The following PABPC4L variants were observed in gnomAD, a reference collection of about 807,000 sequenced individuals.
PABPC4L encodes the protein polyadenylate-binding protein 4-like.
For synonymous variants in PABPC4L, 169 were observed against 164.1 expected, an observed-to-expected ratio of 1.03 and a Z score of -0.23; for missense variants, 452 against 451.4, an observed-to-expected ratio of 1.00 and a Z score of -0.01.
the PABPC4L span, among the ~76,000 whole-genome samples, chr4:134,106,350 T>C: frequency 6.6e-6 from 1 of 151,566 alleles, no homozygotes; most frequent in Non-Finnish European, 1.5e-5. Flanking sequence ...AAAATATTTG[T>C]ATAGAATTAG....
At chr4:134,093,601 T>C in the PABPC4L span, among the ~76,000 whole-genome samples, 2 of 149,864 alleles carry the variant, frequency 1.3e-5, no homozygotes, top group Non-Finnish European at 3.0e-5. Flanking sequence ...AGACCAAGTC[T>C]CACTGTGTTG....
the PABPC4L span, among the ~76,000 whole-genome samples, chr4:133,979,119 A>G: frequency 6.6e-6 from 1 of 152,214 alleles, no homozygotes; most frequent in Non-Finnish European, 1.5e-5. Context: ...AAAAATTGAT[A>G]TCGAAAAGAT....
chr4:133,955,837 T>C, the PABPC4L span, among the ~76,000 whole-genome samples: 1,493 of 152,276 alleles, frequency 9.8e-3, 20 homozygotes, highest in African/African-American at 0.034. Context: ...TATCAAAATA[T>C]ATGTGACCAT....
At chr4:134,166,666 G>A in the PABPC4L span, among the ~76,000 whole-genome samples, 1 of 152,146 alleles carries the variant, frequency 6.6e-6, no homozygotes, top group Non-Finnish European at 1.5e-5. Context: ...ATCAAACAGA[G>A]GCATGTGGAA....
At chr4:134,053,873 A>G in the PABPC4L span, among the ~76,000 whole-genome samples, 2 of 152,024 alleles carry the variant, frequency 1.3e-5, no homozygotes, top group Admixed American at 6.6e-5. Context: ...TTCTGAGTCT[A>G]AGCATCTATA....
At chr4:133,976,980 T>C in the PABPC4L span, among the ~76,000 whole-genome samples, 2 of 152,212 alleles carry the variant, frequency 1.3e-5, no homozygotes, top group Non-Finnish European at 2.9e-5. Flanking sequence ...TATCATAAAA[T>C]CTTTGCCCAT....
chr4:134,016,504 C>T, the PABPC4L span, among the ~76,000 whole-genome samples: 1 of 152,156 alleles, frequency 6.6e-6, no homozygotes, highest in African/African-American at 2.4e-5. Flanking sequence ...GCTAAAAAAG[C>T]AGCTACCAGT....
the PABPC4L span, among the ~76,000 whole-genome samples, chr4:134,047,829 T>C: frequency 3.3e-5 from 5 of 149,718 alleles, no homozygotes; most frequent in African/African-American, 9.9e-5. Flanking sequence ...TTTTTTCTGA[T>C]ATGGTCATGC....
At chr4:134,176,117 C>T in the PABPC4L span, among the ~76,000 whole-genome samples, 1 of 152,076 alleles carries the variant, frequency 6.6e-6, no homozygotes, top group Non-Finnish European at 1.5e-5. Flanking sequence ...AAAATAACAT[C>T]TTGCATAAAC....
chr4:134,179,275 C>T, the PABPC4L span, among the ~76,000 whole-genome samples: 1 of 152,028 alleles, frequency 6.6e-6, no homozygotes, highest in Non-Finnish European at 1.5e-5. Flanking sequence ...AAAATTTCAA[C>T]CAAGAATTTC....
chr4:134,195,358 C>T (rs1315332250), downstream of PABPC4L, among the ~76,000 whole-genome samples: 1 of 151,674 alleles, frequency 6.6e-6, no homozygotes, highest in Non-Finnish European at 1.5e-5. Flanking sequence ...TACCATTAGA[C>T]ATGGCTTCCT....
At chr4:134,072,068 G>T in the PABPC4L span, among the ~76,000 whole-genome samples, 1 of 151,988 alleles carries the variant, frequency 6.6e-6, no homozygotes, top group African/African-American at 2.4e-5. Context: ...TCTAGGGCCT[G>T]CAAAATTAGG....
At chr4:134,174,783 A>C in the PABPC4L span, among the ~76,000 whole-genome samples, 51 of 152,006 alleles carry the variant, frequency 3.4e-4, no homozygotes, top group East Asian at 8.9e-3. Context: ...TTTAGAGTTC[A>C]TTTATTTCTA....
At chr4:134,179,034 G>A in the PABPC4L span, among the ~76,000 whole-genome samples, 1 of 152,048 alleles carries the variant, frequency 6.6e-6, no homozygotes, top group Admixed American at 6.6e-5. Flanking sequence ...TTCAAATATT[G>A]AGGAAATACA....
At chr4:134,152,288 A>T in the PABPC4L span, among the ~76,000 whole-genome samples, 1 of 152,186 alleles carries the variant, frequency 6.6e-6, no homozygotes, top group East Asian at 1.9e-4. Context: ...TGTTAAGAAT[A>T]TGTTACATTA....
the PABPC4L span, among the ~76,000 whole-genome samples, chr4:133,982,241 T>A: frequency 6.6e-6 from 1 of 152,152 alleles, no homozygotes; most frequent in African/African-American, 2.4e-5. Context: ...CAGCTTATTT[T>A]TTTAATAGTG....
chr4:134,194,822 G>C (rs1360768811), downstream of PABPC4L, among the ~76,000 whole-genome samples: 1 of 151,616 alleles, frequency 6.6e-6, no homozygotes, highest in Non-Finnish European at 1.5e-5. Flanking sequence ...AGTAGCACAA[G>C]AAAAGTTTTA....
the PABPC4L span, among the ~76,000 whole-genome samples, chr4:134,025,305 CAAAAAAAAAAAAAA>C: frequency 2.2e-5 from 1 of 45,640 alleles, no homozygotes; most frequent in Admixed American, 2.4e-4. Context: ...GAATTCATCT[CAAAAAAAAAAAAAA>C]AAAAAAAAAA....
At chr4:134,180,008 G>A in the PABPC4L span, among the ~76,000 whole-genome samples, 2 of 151,968 alleles carry the variant, frequency 1.3e-5, no homozygotes, top group South Asian at 4.1e-4. Flanking sequence ...AACTAACAAA[G>A]GTATTTGTGA....
Sources: allele counts gnomAD v4.1 joint callset (sites outside exome capture counted in the v4.1 genomes callset), GRCh38; gene constraint gnomAD v4.1.1; transcripts MANE v1.5; gene names NCBI Gene and HGNC (gene_info 2026-07-23, HGNC 2026-07-21).